TRAPPC12: variants seen among roughly 807,000 people sequenced by gnomAD.
TRAPPC12 encodes TPR repeat protein 15.
In TRAPPC12, 61 loss-of-function variants were observed where a neutral mutation model predicts 69.2. The ratio of observed to expected loss-of-function variants is 0.88; its 90% CI spans 0.72 to 1.09. The LOEUF is 1.09. Among genes scored for constraint, TRAPPC12 ranks in the 50% least tolerant of loss-of-function variants. The pLI, the probability that TRAPPC12 is intolerant of heterozygous loss-of-function variation, is 0.00. For synonymous variants in TRAPPC12, 469 were observed against 438.9 expected (o/e 1.07, Z -0.86); for missense variants, 1,101 against 1,016.4 (o/e 1.08, Z -1.13).
chr2:3,459,915 A>G (rs993159870), intron 7 of TRAPPC12: 6 of 362,534 alleles, frequency 1.7e-5, no homozygotes, highest in Admixed American at 1.3e-4. Context: ...GCTGCAGGCA[A>G]TGTCGTCGTT....
At chr2:3,460,627 C>A (rs1665436782) in intron 8 of TRAPPC12, 1 of 375,194 alleles carries the variant, frequency 2.7e-6, no homozygotes, top group South Asian at 6.0e-5. Flanking sequence ...CCATTTTTCT[C>A]TGAACTCCAT....
intron 2 of TRAPPC12, among the ~76,000 whole-genome samples, chr2:3,398,672 G>A (rs1456895999): frequency 6.6e-6 from 1 of 152,198 alleles, no homozygotes; most frequent in African/African-American, 2.4e-5. Context: ...GGACTACTGA[G>A]ACTATTCCCC....
At chr2:3,474,681 A>G (rs10178877) in intron 9 of TRAPPC12, among the ~76,000 whole-genome samples, 89,859 of 152,020 alleles carry the variant, frequency 0.59, 28,739 homozygotes, top group African/African-American at 0.86. Context: ...CACAGGTGAC[A>G]TCTCAAAAGG....
intron 1 of TRAPPC12, among the ~76,000 whole-genome samples, chr2:3,385,313 ATTTAC>A (rs1660442516): frequency 6.6e-6 from 1 of 152,084 alleles, no homozygotes; most frequent in South Asian, 2.1e-4. Context: ...TTACTTTGGT[ATTTAC>A]TTAAGAATAA....
intron 3 of TRAPPC12, 187 bp from the exon 4 acceptor site, chr2:3,421,694 G>A (rs1371850664): frequency 3.9e-5 from 28 of 717,046 alleles, no homozygotes; most frequent in Middle Eastern, 2.3e-4. Context: ...CTAATTACAC[G>A]TGCAGCGTTG....
intron 3 of TRAPPC12, among the ~76,000 whole-genome samples, chr2:3,402,973 A>T (rs1661532123): frequency 1.3e-5 from 2 of 152,292 alleles, no homozygotes; most frequent in South Asian, 4.1e-4. Flanking sequence ...TTGGAGAGTG[A>T]GGTCCTTGAT....
intron 10 of TRAPPC12, chr2:3,478,616 G>A (rs759355538): frequency 1.2e-4 from 54 of 455,426 alleles, no homozygotes; most frequent in Non-Finnish European, 1.8e-4. Flanking sequence ...CCTGGGCAAC[G>A]AGAGCAAAAC....
At chr2:3,423,699 A>T (rs1403820246) in intron 4 of TRAPPC12, among the ~76,000 whole-genome samples, 1 of 152,134 alleles carries the variant, frequency 6.6e-6, no homozygotes, top group Non-Finnish European at 1.5e-5. Context: ...GTGGTATTCC[A>T]CTGTGCGTCA....
chr2:3,422,863 GAACTTAGTTCA>G (rs1316298987), intron 4 of TRAPPC12, among the ~76,000 whole-genome samples: 1 of 152,208 alleles, frequency 6.6e-6, no homozygotes, highest in African/African-American at 2.4e-5. Flanking sequence ...CCTCTTTTAT[GAACTTAGTTCA>G]AGTTTCTTTA....
intron 8 of TRAPPC12, among the ~76,000 whole-genome samples, chr2:3,464,138 CCA>C (rs746050817): frequency 6.7e-6 from 1 of 148,762 alleles, no homozygotes; most frequent in Non-Finnish European, 1.5e-5. Context: ...ACACACACGT[CCA>C]CACACACACA....
At chr2:3,392,927 C>G (rs75168076) in intron 2 of TRAPPC12, among the ~76,000 whole-genome samples, 1 of 152,192 alleles carries the variant, frequency 6.6e-6, no homozygotes, top group African/African-American at 2.4e-5. Flanking sequence ...GGGAATCAAC[C>G]TAAGTGCCTA....
At chr2:3,389,182 G>C (rs1392481453) in intron 2 of TRAPPC12, among the ~76,000 whole-genome samples, 4 of 152,240 alleles carry the variant, frequency 2.6e-5, no homozygotes, top group Non-Finnish European at 5.9e-5. Context: ...AATTGATGCA[G>C]GGTTTTTTTC....
intron 8 of TRAPPC12, among the ~76,000 whole-genome samples, chr2:3,463,488 C>T (rs1438956355): frequency 6.6e-6 from 1 of 150,636 alleles, no homozygotes. Context: ...TGTGCACGTG[C>T]TCTTTGGGAA....
chr2:3,432,441 C>G (rs1572150897), intron 5 of TRAPPC12, among the ~76,000 whole-genome samples: 1 of 152,344 alleles, frequency 6.6e-6, no homozygotes, highest in East Asian at 1.9e-4. Context: ...TTTGAGTTCT[C>G]AAATTAAATT....
chr2:3,448,358 G>C (rs1436739294), intron 6 of TRAPPC12, among the ~76,000 whole-genome samples: 1 of 152,166 alleles, frequency 6.6e-6, no homozygotes, highest in African/African-American at 2.4e-5. Context: ...GCTTTGTAAA[G>C]CAGGGGCTCT....
intron 7 of TRAPPC12, chr2:3,458,538 G>C (rs1229289705): frequency 1.2e-6 from 1 of 825,146 alleles, no homozygotes; most frequent in Non-Finnish European, 1.5e-6. Flanking sequence ...GTGGTGTGTG[G>C]ATGTTGGGTG....
rs376925798 is a variant in TRAPPC12, at chr2:3,421,832, A to C, written c.1165-49A>C. ...GCTATGCGTTTGGGTCATGGATTCC[A>C]CCATGCCTTGCATGTGTGTTTGGTC... On this transcript the variant is annotated intron_variant, in intron 3 of 11. Coordinates refer to ENST00000324266, the MANE Select transcript of TRAPPC12 (RefSeq NM_016030.6). 3.2e-6 allele frequency: 5 copies of C among 1,544,880 alleles called. No homozygotes were observed. The African/African-American group carries it at 6.8e-5, about 21-fold the overall frequency.
At chr2:3,384,828 A>G (rs974814044) in intron 1 of TRAPPC12, among the ~76,000 whole-genome samples, 2 of 152,180 alleles carry the variant, frequency 1.3e-5, no homozygotes, top group African/African-American at 2.4e-5. Context: ...TACTGTAGGA[A>G]TTATCTGTAC....
At chr2:3,440,756 ACT>A (rs1382034327) in intron 5 of TRAPPC12, among the ~76,000 whole-genome samples, 1 of 152,198 alleles carries the variant, frequency 6.6e-6, no homozygotes, top group Non-Finnish European at 1.5e-5. Context: ...GGGGGAAGTC[ACT>A]GAGTTTCTCA....
Sources: allele counts gnomAD v4.1 joint callset (sites outside exome capture counted in the v4.1 genomes callset), GRCh38; gene constraint gnomAD v4.1.1; transcripts MANE v1.5; gene names NCBI Gene and HGNC (gene_info 2026-07-23, HGNC 2026-07-21).